Variants in KATNAL2 observed in about 807,000 individuals in gnomAD.
The protein encoded by KATNAL2 is katanin catalytic subunit A1 like 2, also known as katanin p60 ATPase-containing subunit A-like 2.
Under a neutral mutation model 76.3 loss-of-function variants are expected in KATNAL2, and 52 were observed. The observed-to-expected ratio is 0.68, with a 90% CI of 0.55 to 0.86. The LOEUF (loss-of-function observed/expected upper bound fraction) is 0.86, where lower values mean the gene tolerates loss of function less well. KATNAL2 is among the 40% of genes least tolerant of loss of function. KATNAL2 has a pLI of 0.00. For synonymous variants in KATNAL2, 243 were observed against 244.2 expected (o/e 1.00, Z 0.05); for missense variants, 660 against 668.9 (o/e 0.99, Z 0.15).
chr18:47,034,877 G>T lies in KATNAL2; in HGVS notation c.52-11580G>T, dbSNP rs766120431. 1.9e-5 allele frequency: 31 copies of T among 1,611,996 alleles called. 2 individuals carry two copies. Among genetic ancestry groups the T allele is most frequent in the Middle Eastern group, 4.5e-4 (2 of 4,472 alleles). ...CCCGGAGGTGTTCTGCGTGCTGTCC[G>T]TCTGTGCTCAGGGCTGTGAGATGGG... On this transcript the variant is annotated intron_variant, in intron 3 of 17. Coordinates refer to ENST00000683218, the MANE Select transcript of KATNAL2 (RefSeq NM_001387690.1).
Position 46,919,900 on chromosome 18 carries a change from T to C in KATNAL2, c.-510+1974T>C, listed in dbSNP as rs532281474. Among the ~76,000 whole-genome samples the C allele has an allele frequency of 1.3e-4, 20 of 152,336 alleles. No individual in the cohort carries two copies. In the South Asian group the frequency reaches 2.9e-3, roughly 22 times the overall value. ...CACCTCAGTAGAATTTAACATTGTT[T>C]AGTAGGCTTTAAGTGAATGCCACTG... On this transcript the variant is annotated intron_variant, in intron 1 of 17. Transcript: ENST00000683218.
intron 3 of KATNAL2, among the ~76,000 whole-genome samples, chr18:46,956,059 T>A (rs2059736759): frequency 6.6e-6 from 1 of 152,214 alleles, no homozygotes; most frequent in Non-Finnish European, 1.5e-5. Flanking sequence ...ATATCTAAAA[T>A]ATTTTTAAAA....
chr18:47,056,097 G>A (rs2061464099), intron 6 of KATNAL2, among the ~76,000 whole-genome samples: 1 of 152,230 alleles, frequency 6.6e-6, no homozygotes, highest in African/African-American at 2.4e-5. Flanking sequence ...AAGATTTGCT[G>A]ATGAACCAAG....
chr18:47,089,386 T>C (rs958761245), intron 15 of KATNAL2, among the ~76,000 whole-genome samples: 2 of 152,194 alleles, frequency 1.3e-5, no homozygotes, highest in African/African-American at 4.8e-5. Context: ...ATTTTGGTAA[T>C]ATATTTTCTG....
chr18:47,058,245 G>T lies in KATNAL2; in HGVS notation c.343G>T (p.Asp115Tyr), dbSNP rs370318400. The change falls in exon 7 of 18, where the codon GAC (aspartate) becomes TAC (tyrosine). Residue 115 changes from aspartate (D) to tyrosine (Y), a missense_variant. Asp to Tyr is a radical substitution (Grantham distance 160). Transcript: ENST00000683218. ...SRGKTRRMMN[D>Y]SCQNLPKINQ... Reference sequence around the variant, plus strand: ...TGTTCCCTCCCTTAGGATGATGAACGACAGTTGTCAAAATCTTCCCAAGAT... The same window carrying T: ...TGTTCCCTCCCTTAGGATGATGAACTACAGTTGTCAAAATCTTCCCAAGAT... The T allele has an allele frequency of 8.1e-6, 13 of 1,612,318 alleles. No homozygotes were observed. Among genetic ancestry groups the T allele is most frequent in the Non-Finnish European group, 1.1e-5 (13 of 1,178,548 alleles).
intron 1 of KATNAL2, among the ~76,000 whole-genome samples, chr18:46,929,124 G>A (rs543105043): frequency 6.6e-6 from 1 of 151,962 alleles, no homozygotes; most frequent in Non-Finnish European, 1.5e-5. Context: ...CTAAAGTTTA[G>A]TTTTTTATAT....
Position 47,033,011 on chromosome 18 carries a change from G to T in KATNAL2, c.52-13446G>T, listed in dbSNP as rs369675732. Reference sequence around the variant, plus strand: ...CAAGGCAAGTCCTGAGTTTATCGTCGGGAGAATCTTCTCTTGTAGTCTCGA... The same window carrying T: ...CAAGGCAAGTCCTGAGTTTATCGTCTGGAGAATCTTCTCTTGTAGTCTCGA... On this transcript the variant is annotated intron_variant, in intron 3 of 17. Transcript: ENST00000683218. 8 of 1,613,966 alleles carry T rather than the reference G, an allele frequency of 5.0e-6. 1 individual carries two copies. The African/African-American group carries it at 6.7e-5, about 13-fold the overall frequency.
At chr18:47,045,391 T>C (rs1569074020) in intron 3 of KATNAL2, among the ~76,000 whole-genome samples, 1 of 151,592 alleles carries the variant, frequency 6.6e-6, no homozygotes, top group Non-Finnish European at 1.5e-5. Context: ...AGTGGCAAGA[T>C]CTTGGCTCAC....
intron 3 of KATNAL2, among the ~76,000 whole-genome samples, chr18:46,961,894 G>T (rs532847115): frequency 6.6e-6 from 1 of 152,208 alleles, no homozygotes; most frequent in Non-Finnish European, 1.5e-5. Flanking sequence ...ATATGATTGA[G>T]AATGTAGATG....
In KATNAL2 at chr18:47,037,978, C is replaced by T. The variant is rs184136729; in HGVS notation, c.52-8479C>T. On this transcript the variant is annotated intron_variant, in intron 3 of 17. Coordinates refer to ENST00000683218, the MANE Select transcript of KATNAL2 (RefSeq NM_001387690.1). ...GGGATTACAGGAGTGAGCCACAGTGCCCGACCATGAAAAGCCATTTTTGAT... is the reference window on the plus strand; with the variant it reads ...GGGATTACAGGAGTGAGCCACAGTGTCCGACCATGAAAAGCCATTTTTGAT... Among the ~76,000 whole-genome samples, 19 of 152,200 alleles carry T rather than the reference C, an allele frequency of 1.2e-4. No individual in the cohort carries two copies. In the East Asian group the frequency reaches 3.3e-3, roughly 26 times the overall value.
At chr18:47,063,134 A>G in intron 9 of KATNAL2, 64 bp downstream of exon 9, 1 of 1,503,948 alleles carries the variant, frequency 6.6e-7, no homozygotes. Flanking sequence ...CTCTGGAAAT[A>G]TAATTTTGAG....
chr18:46,921,519 A>C (rs1300438574), intron 1 of KATNAL2, among the ~76,000 whole-genome samples: 2 of 152,144 alleles, frequency 1.3e-5, no homozygotes, highest in Non-Finnish European at 2.9e-5. Flanking sequence ...GTCTCAACTT[A>C]ATTTTTCTAA....
chr18:46,951,052 A>C (rs1257048244), intron 3 of KATNAL2, among the ~76,000 whole-genome samples: 2 of 152,134 alleles, frequency 1.3e-5, no homozygotes, highest in East Asian at 1.9e-4. Flanking sequence ...GAAGATAAGC[A>C]CTGAACTCCC....
At chr18:46,933,631 C>CT (rs1202003670) in intron 1 of KATNAL2, among the ~76,000 whole-genome samples, 1 of 151,862 alleles carries the variant, frequency 6.6e-6, no homozygotes, top group African/African-American at 2.4e-5. Context: ...GTCAAAATAT[C>CT]TTTTTTTAAA....
In KATNAL2 at chr18:46,935,642, G is replaced by A. The variant is rs565484682; in HGVS notation, c.-509-10415G>A. ...TGAAAAAGAAAAAAAAAGAGCCCGG[G>A]CATGGTGGCTCACACCTGTAATCCC... is the stretch of plus-strand genomic sequence containing the variant. On this transcript the variant is annotated intron_variant, in intron 1 of 17. Coordinates refer to ENST00000683218, the MANE Select transcript of KATNAL2 (RefSeq NM_001387690.1). Among the ~76,000 whole-genome samples, 385 of 152,214 alleles carry A rather than the reference G, an allele frequency of 2.5e-3. 2 individuals are homozygous for A. Among genetic ancestry groups the A allele is most frequent in the African/African-American group, 8.8e-3 (366 of 41,486 alleles).
chr18:47,100,797 T>C (rs2063423798), intron 17 of KATNAL2, 69 bp from the exon 18 acceptor site: 1 of 1,558,598 alleles, frequency 6.4e-7, no homozygotes, highest in African/African-American at 1.4e-5. Flanking sequence ...GAAGGTCTAT[T>C]AGCGTTTCAA....
intron 15 of KATNAL2, among the ~76,000 whole-genome samples, chr18:47,086,294 T>G (rs1421284185): frequency 6.6e-6 from 1 of 152,156 alleles, no homozygotes; most frequent in Admixed American, 6.5e-5. Context: ...TGCAATTGCC[T>G]TCAGTCCTGC....
intron 3 of KATNAL2, among the ~76,000 whole-genome samples, chr18:47,044,890 C>T (rs754186098): frequency 4.6e-5 from 7 of 152,020 alleles, no homozygotes; most frequent in Admixed American, 6.6e-5. Context: ...TTGAGAACAA[C>T]TTAGCCAACA....
At chr18:46,945,093 A>C (rs926571023) in intron 1 of KATNAL2, among the ~76,000 whole-genome samples, 1 of 152,216 alleles carries the variant, frequency 6.6e-6, no homozygotes, top group African/African-American at 2.4e-5. Context: ...TTTTCTAAAA[A>C]TGTCTGTAAA....
Sources: allele counts gnomAD v4.1 joint callset (sites outside exome capture counted in the v4.1 genomes callset), GRCh38; gene constraint gnomAD v4.1.1; transcripts MANE v1.5; gene names NCBI Gene and HGNC (gene_info 2026-07-23, HGNC 2026-07-21).